MYO1E: variants seen among roughly 807,000 people sequenced by gnomAD.
MYO1E encodes myosin IE.
In MYO1E, 68 loss-of-function variants were observed where a neutral mutation model predicts 151.1. The observed-to-expected ratio is 0.45, with a 90% CI of 0.37 to 0.55. The LOEUF (loss-of-function observed/expected upper bound fraction) is 0.55. Ranked by LOEUF, MYO1E falls within the 20% of genes least tolerant of loss-of-function variation. MYO1E has a pLI of 0.00. For missense variants in MYO1E, 1,363 were observed against 1,389.3 expected (o/e 0.98, Z 0.30); for synonymous variants, 601 against 501.7 (o/e 1.20, Z -2.64).
At chr15:59,155,215 C>T (rs535406540) in intron 25 of MYO1E, among the ~76,000 whole-genome samples, 224 of 152,330 alleles carry the variant, frequency 1.5e-3, no homozygotes, top group Non-Finnish European at 3.0e-3. Flanking sequence ...TCCCCTTGTC[C>T]ACGATAAGGT....
At chr15:59,232,883 A>G (rs1352353368) in intron 5 of MYO1E, among the ~76,000 whole-genome samples, 1 of 152,176 alleles carries the variant, frequency 6.6e-6, no homozygotes, top group Admixed American at 6.5e-5. Flanking sequence ...GAACATTCAG[A>G]AGAGAAACTG....
intron 15 of MYO1E, among the ~76,000 whole-genome samples, chr15:59,203,446 C>A (rs981320233): frequency 6.7e-6 from 1 of 150,260 alleles, no homozygotes; most frequent in Non-Finnish European, 1.5e-5. Context: ...GTGGCGCGAT[C>A]TTGGCTCGCT....
At chr15:59,367,756 C>G (rs571515301) in intron 1 of MYO1E, among the ~76,000 whole-genome samples, 1 of 152,296 alleles carries the variant, frequency 6.6e-6, no homozygotes, top group South Asian at 2.1e-4. Flanking sequence ...TTAAGACTTA[C>G]AATAAAGTGG....
chr15:59,298,003 C>T (rs1032265439), intron 1 of MYO1E, among the ~76,000 whole-genome samples: 6 of 152,142 alleles, frequency 3.9e-5, no homozygotes, highest in African/African-American at 1.4e-4. Flanking sequence ...GAATTCTAGG[C>T]AAATAATTTT....
At chr15:59,339,852 TG>T (rs1303317480) in intron 1 of MYO1E, among the ~76,000 whole-genome samples, 18 of 81,518 alleles carry the variant, frequency 2.2e-4, no homozygotes, top group Middle Eastern at 7.8e-3. Flanking sequence ...TACTTTTTTT[TG>T]TTTTTTTTTT....
At chr15:59,261,921 G>A (rs1253169724) in intron 2 of MYO1E, among the ~76,000 whole-genome samples, 1 of 152,180 alleles carries the variant, frequency 6.6e-6, no homozygotes, top group South Asian at 2.1e-4. Context: ...ATATTCATCA[G>A]CCGGGCGTGA....
intron 2 of MYO1E, among the ~76,000 whole-genome samples, chr15:59,268,629 T>C (rs895342079): frequency 6.6e-6 from 1 of 151,180 alleles, no homozygotes; most frequent in African/African-American, 2.4e-5. Context: ...AGCACACATA[T>C]ATGCATGGCC....
In MYO1E at chr15:59,253,307, T is replaced by C. The variant is rs537337378; in HGVS notation, c.332+2977A>G. Among the ~76,000 whole-genome samples, 7 of 152,230 alleles carry C rather than the reference T, an allele frequency of 4.6e-5. No individual in the cohort carries two copies. In the East Asian group the frequency reaches 7.7e-4, roughly 17 times the overall value. On this transcript the variant is annotated intron_variant, in intron 4 of 27. Coordinates refer to ENST00000288235, the MANE Select transcript of MYO1E (RefSeq NM_004998.4). ...AGAACTAATAACTGCAGAAAAATAATAGAATTAGAAAACAACGATTTTTCA... is the reference window on the plus strand; with the variant it reads ...AGAACTAATAACTGCAGAAAAATAACAGAATTAGAAAACAACGATTTTTCA...
rs771443737 is a variant in MYO1E at position 59,214,291 on chromosome 15, A to G, written c.1212T>C (p.Cys404=). 1.9e-6 allele frequency: 3 copies of G among 1,612,220 alleles called. No homozygotes were observed. The highest frequency in any genetic ancestry group is 2.2e-5 in the South Asian group (2 of 90,460). ...GCAGTTTTTCATTAACAAAATTGAT[A>G]CAAAACTGTTCAAAGCCATTTTTCT... ...IFQKNGFEQF[C]INFVNEKLQQ... is the part of the protein sequence containing the mutation. The change falls in exon 12 of 28, where the codon TGT becomes TGC. Residue 404 remains cysteine (C), a synonymous_variant. Transcript: ENST00000288235.
chr15:59,296,074 G>A (rs2080446783), intron 1 of MYO1E, among the ~76,000 whole-genome samples: 1 of 152,086 alleles, frequency 6.6e-6, no homozygotes, highest in South Asian at 2.1e-4. Flanking sequence ...ATACTAAAAG[G>A]TAGCAATTCC....
chr15:59,345,594 T>C (rs1291345370), intron 1 of MYO1E, among the ~76,000 whole-genome samples: 4 of 152,210 alleles, frequency 2.6e-5, no homozygotes, highest in Non-Finnish European at 5.9e-5. Flanking sequence ...TGTCAAAAAA[T>C]AGAACTGCCT....
intron 4 of MYO1E, 109 bp from the exon 5 acceptor site, chr15:59,236,781 ACAGGCAG>A: frequency 9.0e-7 from 1 of 1,111,762 alleles, no homozygotes; most frequent in Non-Finnish European, 1.3e-6. Flanking sequence ...AACAAAAAAA[ACAGGCAG>A]AAAAGAATTT....
At chr15:59,197,824 A>T (rs2079777138) in intron 16 of MYO1E, among the ~76,000 whole-genome samples, 1 of 152,244 alleles carries the variant, frequency 6.6e-6, no homozygotes, top group South Asian at 2.1e-4. Context: ...AACCATCAAA[A>T]TTATCCTGTA....
intron 1 of MYO1E, among the ~76,000 whole-genome samples, chr15:59,371,350 G>A (rs1371388328): frequency 6.6e-6 from 1 of 151,876 alleles, no homozygotes; most frequent in African/African-American, 2.4e-5. Context: ...GAAAACAACA[G>A]CAAACCAGAA....
Position 59,202,347 on chromosome 15 carries a change from A to G in MYO1E, c.1677T>C (p.Thr559=). Residue 559 remains threonine (T), a synonymous_variant, in exon 16 of 28, where the codon ACT becomes ACC. Transcript: ENST00000288235. ...TAACCTTTATTTTGCTTCCGGCAGT[A>G]GTTGGGCGCCCTTTCTTGTCAGCCT... ...NLQADKKGRP[T]TAGSKIKKQA... 6.2e-7 allele frequency: 1 copy of G among 1,614,116 alleles called. No homozygotes were observed. Among genetic ancestry groups the G allele is most frequent in the Non-Finnish European group, 8.5e-7 (1 of 1,179,942 alleles).
intron 9 of MYO1E, among the ~76,000 whole-genome samples, chr15:59,219,181 T>C (rs1407040775): frequency 1.3e-5 from 2 of 152,208 alleles, no homozygotes; most frequent in African/African-American, 4.8e-5. Context: ...CAACATCTTG[T>C]TTCAGACCAT....
chr15:59,366,364 C>A (rs2080913678), intron 1 of MYO1E, among the ~76,000 whole-genome samples: 1 of 151,320 alleles, frequency 6.6e-6, no homozygotes, highest in Admixed American at 6.6e-5. Flanking sequence ...TTACAGCTCA[C>A]TGCATACTTG....
chr15:59,189,818 C>T (rs1258377284), intron 17 of MYO1E, among the ~76,000 whole-genome samples: 2 of 152,184 alleles, frequency 1.3e-5, no homozygotes, highest in Non-Finnish European at 2.9e-5. Context: ...CTCAGGTGAT[C>T]CACCACGCCT....
chr15:59,212,715 GA>G (rs1489672186), intron 12 of MYO1E: 4 of 152,160 alleles, frequency 2.6e-5, no homozygotes, highest in Non-Finnish European at 5.9e-5. Flanking sequence ...AGGGTATTGT[GA>G]AAAGTTTTCA....
Sources: gnomAD v4.1 joint callset for allele counts (sites outside exome capture counted in the v4.1 genomes callset) on GRCh38, gnomAD v4.1.1 for gene constraint, MANE v1.5 for transcripts, NCBI Gene and HGNC (gene_info 2026-07-23, HGNC 2026-07-21) for gene names.